The following ARHGAP44 variants were observed in gnomAD, a reference collection of about 807,000 sequenced individuals.
ARHGAP44 encodes Rho GTPase activating protein 44.
In ARHGAP44, 43 loss-of-function variants were observed where a neutral mutation model predicts 106.8. That is an observed-to-expected ratio of 0.40 (90% CI 0.32 to 0.52). The LOEUF (loss-of-function observed/expected upper bound fraction) is 0.52, where lower values mean the gene tolerates loss of function less well. ARHGAP44 is among the 20% of genes least tolerant of loss of function. The pLI is 0.48. For synonymous variants in ARHGAP44, 439 were observed against 410.3 expected (o/e 1.07, Z -0.85); for missense variants, 866 against 1,050.5 (o/e 0.82, Z 2.43).
chr17:12,804,121 G>A lies in ARHGAP44; in HGVS notation c.53+14230G>A, dbSNP rs1597864097. Reference sequence around the variant, plus strand: ...TCGCTTTGCCTTCATCTGTGTCTTGGCTTGTTTCCCTGTCAAAATACAGGT... The same window carrying A: ...TCGCTTTGCCTTCATCTGTGTCTTGACTTGTTTCCCTGTCAAAATACAGGT... On this transcript the variant is annotated intron_variant, in intron 1 of 20. Transcript: ENST00000379672. Among the ~76,000 whole-genome samples the A allele has an allele frequency of 2.0e-5, 3 of 152,086 alleles. No homozygotes were observed. In the East Asian group the frequency reaches 5.8e-4, roughly 29 times the overall value.
chr17:12,986,213 AG>A (rs1353354885), intron 20 of ARHGAP44: 1 of 152,208 alleles, frequency 6.6e-6, no homozygotes, highest in East Asian at 1.9e-4. Flanking sequence ...ATTAAAAATT[AG>A]GCAAATTTCT....
intron 20 of ARHGAP44, among the ~76,000 whole-genome samples, chr17:12,989,122 AAAAC>A (rs1192071721): frequency 2.5e-4 from 37 of 148,146 alleles, no homozygotes; most frequent in African/African-American, 8.7e-4. Flanking sequence ...AAAAAAAAAA[AAAAC>A]TAAGCAGGCG....
intron 18 of ARHGAP44, among the ~76,000 whole-genome samples, chr17:12,974,953 G>T (rs1195442123): frequency 1.3e-5 from 2 of 151,502 alleles, no homozygotes; most frequent in African/African-American, 4.9e-5. Context: ...AGGCTCAAGC[G>T]ATTCTCCTGC....
chr17:12,967,464 C>G (rs762875092), intron 16 of ARHGAP44, among the ~76,000 whole-genome samples: 2 of 151,944 alleles, frequency 1.3e-5, no homozygotes, highest in South Asian at 2.1e-4. Flanking sequence ...GCCTCAATTC[C>G]TCAACAAAGA....
chr17:12,959,273 CT>C (rs759737907), intron 16 of ARHGAP44, among the ~76,000 whole-genome samples: 1 of 152,146 alleles, frequency 6.6e-6, no homozygotes, highest in Non-Finnish European at 1.5e-5. Flanking sequence ...TATGAATGGG[CT>C]CATTGCATTC....
Position 12,984,808 on chromosome 17 carries a change from G to A in ARHGAP44, c.2217G>A (p.Pro739=), listed in dbSNP as rs570455348. Residue 739 remains proline (P), a synonymous_variant, in exon 20 of 21, where the codon CCG becomes CCA. Transcript: ENST00000379672. ...TPKPRQRPTL[P]PPQPPTVNLS... is the part of the protein sequence containing the mutation. ...AGCCGCGACAGAGACCTACTCTGCC[G>A]CCTCCTCAGCCTCCCACAGTAAACC... 375 of 1,613,906 alleles carry A rather than the reference G, an allele frequency of 2.3e-4. 3 individuals carry two copies. The South Asian group carries it at 3.6e-3, about 15-fold the overall frequency.
Position 12,949,242 on chromosome 17 carries a change from G to A in ARHGAP44, c.964G>A (p.Ala322Thr), listed in dbSNP as rs760624633. 2.0e-5 allele frequency: 31 copies of A among 1,559,778 alleles called. No individual in the cohort carries two copies. Among genetic ancestry groups the A allele is most frequent in the Non-Finnish European group, 2.6e-5 (30 of 1,151,986 alleles). Reference protein sequence around the residue: ...DVQEYSADPHAIAGALKSYLR... With the variant: ...DVQEYSADPHTIAGALKSYLR... Reference sequence around the variant, plus strand: ...GCAGGAGTACTCGGCAGACCCCCACGCAATTGCAGGTGGGCACCTCTCAGC... The same window carrying A: ...GCAGGAGTACTCGGCAGACCCCCACACAATTGCAGGTGGGCACCTCTCAGC... Residue 322 changes from alanine to threonine, a missense_variant, in exon 11 of 21, where the codon GCA (alanine) becomes ACA (threonine). Physicochemically the swap from Ala to Thr is moderately conservative, Grantham distance 58. This residue lies in a region of ARHGAP44 where 448 missense variants were observed against 646.9 expected (regional missense o/e 0.69). Transcript: ENST00000379672. The surrounding 1 kb of genome is among the most constrained non-coding windows in gnomAD (Gnocchi z 4.1).
chr17:12,840,922 C>T (rs1320940729), intron 1 of ARHGAP44, among the ~76,000 whole-genome samples: 1 of 152,134 alleles, frequency 6.6e-6, no homozygotes, highest in South Asian at 2.1e-4. Flanking sequence ...CCTGACCCAG[C>T]TCAGGAGTTC....
intron 1 of ARHGAP44, among the ~76,000 whole-genome samples, chr17:12,845,375 G>A (rs190109784): frequency 1.6e-4 from 24 of 152,040 alleles, no homozygotes; most frequent in South Asian, 1.0e-3. Flanking sequence ...GGGAGTGGTG[G>A]CAGGTGCCTG....
At chr17:12,923,999 C>T (rs2038163605) in intron 6 of ARHGAP44, among the ~76,000 whole-genome samples, 1 of 152,206 alleles carries the variant, frequency 6.6e-6, no homozygotes, top group Admixed American at 6.5e-5. Flanking sequence ...TTCTTCCTTG[C>T]AGCATCCTAC....
In ARHGAP44 at chr17:12,828,779, C is replaced by A. The variant is rs534802270; in HGVS notation, c.53+38888C>A. ...GCCTCAGCCTGCTGAGTAGCTGGGACTACAGGCGTCCGCCACCATGCCCGG... is the reference window on the plus strand; with the variant it reads ...GCCTCAGCCTGCTGAGTAGCTGGGAATACAGGCGTCCGCCACCATGCCCGG... On this transcript the variant is annotated intron_variant, in intron 1 of 20. Coordinates refer to ENST00000379672, the MANE Select transcript of ARHGAP44 (RefSeq NM_014859.6). Among the ~76,000 whole-genome samples, 36 of 151,590 alleles carry A rather than the reference C, an allele frequency of 2.4e-4. No homozygotes were observed. In the South Asian group the frequency reaches 7.1e-3, roughly 30 times the overall value.
At chr17:12,943,944 A>G in intron 9 of ARHGAP44, 125 bp from the exon 10 acceptor site, 1 of 1,308,038 alleles carries the variant, frequency 7.6e-7, no homozygotes, top group South Asian at 1.6e-5. Flanking sequence ...CACAGAATGG[A>G]GGCTCAATTG....
chr17:12,876,833 C>G (rs1469505812), intron 1 of ARHGAP44, among the ~76,000 whole-genome samples: 9 of 150,940 alleles, frequency 6.0e-5, no homozygotes, highest in Non-Finnish European at 7.4e-5. Context: ...ATCACTTGAA[C>G]CCGGGAGGCA....
At chr17:12,827,827 T>A (rs2034965284) in intron 1 of ARHGAP44, among the ~76,000 whole-genome samples, 1 of 151,950 alleles carries the variant, frequency 6.6e-6, no homozygotes, top group African/African-American at 2.4e-5. Context: ...TCTCTTGAGG[T>A]CAGGAGTTCA....
In ARHGAP44 at chr17:12,824,815, T is replaced by C. The variant is rs550726551; in HGVS notation, c.53+34924T>C. ...CTTTTGCTTCTGCACTTCTCTACCTTCTGCTTGTGTTGTTCTCTGCCACTC... is the reference window on the plus strand; with the variant it reads ...CTTTTGCTTCTGCACTTCTCTACCTCCTGCTTGTGTTGTTCTCTGCCACTC... On this transcript the variant is annotated intron_variant, in intron 1 of 20. Coordinates refer to ENST00000379672, the MANE Select transcript of ARHGAP44 (RefSeq NM_014859.6). Among the ~76,000 whole-genome samples, 19 of 151,660 alleles carry C rather than the reference T, an allele frequency of 1.3e-4. No homozygotes were observed. In the South Asian group the frequency reaches 4.0e-3, roughly 32 times the overall value.
Position 12,800,256 on chromosome 17 carries a change from T to C in ARHGAP44, c.53+10365T>C, listed in dbSNP as rs2034049782. On this transcript the variant is annotated intron_variant, in intron 1 of 20. Coordinates refer to ENST00000379672, the MANE Select transcript of ARHGAP44 (RefSeq NM_014859.6). ...TCCTTTTCCCAAATCAAGCCCAGTTTTTCTGTATTTAGCCAAGAGCATGCC... is the reference window on the plus strand; with the variant it reads ...TCCTTTTCCCAAATCAAGCCCAGTTCTTCTGTATTTAGCCAAGAGCATGCC... Among the ~76,000 whole-genome samples, 3 of 152,238 alleles carry C rather than the reference T, an allele frequency of 2.0e-5. No homozygotes were observed. The South Asian group carries it at 6.2e-4, about 31-fold the overall frequency.
chr17:12,989,108 A>G (rs2040038876), intron 20 of ARHGAP44, among the ~76,000 whole-genome samples: 2 of 132,762 alleles, frequency 1.5e-5, no homozygotes, highest in African/African-American at 5.6e-5. Flanking sequence ...CCCCAAAAAA[A>G]AAAAAAAAAA....
Position 12,958,715 on chromosome 17 carries a change from A to G in ARHGAP44, c.1343-2A>G, listed in dbSNP as rs1301415961. 6.8e-6 allele frequency: 11 copies of G among 1,613,486 alleles called. No individual in the cohort carries two copies. Among genetic ancestry groups the G allele is most frequent in the African/African-American group, 1.3e-5 (1 of 74,884 alleles). On this transcript the variant is annotated splice_acceptor_variant, in intron 15 of 20. Transcript: ENST00000379672. LOFTEE classifies it high-confidence loss of function. This position sits in a 1 kb window ranked among gnomAD's most constrained non-coding sequence, Gnocchi z 4.1. ...CATGTACCAATTCTTTCTTCCCCGC[A>G]GAGATAGAGTTCAACATTACTGGCA...
intron 1 of ARHGAP44, among the ~76,000 whole-genome samples, chr17:12,863,346 C>T (rs1021727038): frequency 6.6e-6 from 1 of 151,798 alleles, no homozygotes; most frequent in African/African-American, 2.4e-5. Context: ...AATTCCTTGA[C>T]CTAGTTTAGT....
Sources: gnomAD v4.1 joint callset for allele counts (sites outside exome capture counted in the v4.1 genomes callset) on GRCh38, gnomAD v4.1.1 for gene constraint, gnomAD v4.1.1 regional missense constraint, Gnocchi (gnomAD v3.1) non-coding constraint, MANE v1.5 for transcripts, NCBI Gene and HGNC (gene_info 2026-07-23, HGNC 2026-07-21) for gene names.